Variants in XKR6 observed in about 807,000 individuals in gnomAD.
XKR6 encodes XK related 6, also known as XK-related protein 6.
XKR6 carries 22 observed loss-of-function variants against 56.7 expected under a neutral mutation model. The observed-to-expected ratio is 0.39, with a 90% CI of 0.28 to 0.55. The LOEUF (loss-of-function observed/expected upper bound fraction) is 0.55. Ranked by LOEUF, XKR6 falls within the 20% of genes least tolerant of loss-of-function variation. The pLI, the probability that XKR6 is intolerant of heterozygous loss-of-function variation, is 0.66. For missense variants in XKR6, 852 were observed against 889.0 expected (o/e 0.96, Z 0.53); for synonymous variants, 524 against 387.8 (o/e 1.35, Z -4.13).
intron 1 of XKR6, among the ~76,000 whole-genome samples, chr8:11,181,393 T>G (rs897911884): frequency 6.6e-6 from 1 of 152,216 alleles, no homozygotes; most frequent in Admixed American, 6.5e-5. Flanking sequence ...CTAATTTTAT[T>G]CTTGAATATG....
chr8:10,956,794 C>G lies in XKR6; in HGVS notation c.765-31964G>C, dbSNP rs555201760. 2.6e-4 allele frequency among the ~76,000 whole-genome samples: 39 copies of G among 152,316 alleles called. 2 individuals carry two copies. Among genetic ancestry groups the G allele is most frequent in the African/African-American group, 8.2e-4 (34 of 41,568 alleles). The stretch of plus-strand genomic sequence containing the variant: ...CCAGTGAGGACAGAAGGGGATTGAA[C>G]TAGAAACTGGGATTAATCTGTCTTC... On this transcript the variant is annotated intron_variant, in intron 1 of 2. Transcript: ENST00000416569.
At chr8:10,949,057 T>G (rs1801636249) in intron 1 of XKR6, among the ~76,000 whole-genome samples, 2 of 152,310 alleles carry the variant, frequency 1.3e-5, no homozygotes, top group Non-Finnish European at 2.9e-5. Flanking sequence ...ACACTCACGC[T>G]GTCCTCTCCT....
rs377178272 is a variant in XKR6, at chr8:11,154,102, T to C, written c.764+46474A>G. Among the ~76,000 whole-genome samples, 6 of 152,310 alleles carry C rather than the reference T, an allele frequency of 3.9e-5. No individual in the cohort carries two copies. The East Asian group carries it at 9.6e-4, about 24-fold the overall frequency. ...GGCTAGTGGGAGGTAATCTGTGTCA[T>C]AACTAATAGAAGTGTCCTTGTTTAG... On this transcript the variant is annotated intron_variant, in intron 1 of 2. Coordinates refer to ENST00000416569, the MANE Select transcript of XKR6 (RefSeq NM_173683.4).
At chr8:11,046,216 T>C (rs919183523) in intron 1 of XKR6, among the ~76,000 whole-genome samples, 1 of 152,084 alleles carries the variant, frequency 6.6e-6, no homozygotes. Context: ...CTGATCAATA[T>C]GGTGAAACCC....
chr8:11,093,996 G>A lies in XKR6; in HGVS notation c.764+106580C>T, dbSNP rs7824889. 9.8e-3 allele frequency among the ~76,000 whole-genome samples: 1,485 copies of A among 151,616 alleles called. 15 individuals carry two copies. Among genetic ancestry groups the A allele is most frequent in the African/African-American group, 0.027 (1,112 of 41,308 alleles). On this transcript the variant is annotated intron_variant, in intron 1 of 2. Coordinates refer to ENST00000416569, the MANE Select transcript of XKR6 (RefSeq NM_173683.4). ...GATGGGGGTTTCACCGTGTTAGCCCGGATGGTCTCGATCTCCTGACCTCAT... is the reference window on the plus strand; with the variant it reads ...GATGGGGGTTTCACCGTGTTAGCCCAGATGGTCTCGATCTCCTGACCTCAT...
At chr8:11,122,180 T>C (rs1799491452) in intron 1 of XKR6, among the ~76,000 whole-genome samples, 1 of 152,232 alleles carries the variant, frequency 6.6e-6, no homozygotes. Context: ...CCCAGCTCCT[T>C]TGAAAATACG....
At chr8:11,180,860 T>A (rs188873772) in intron 1 of XKR6, among the ~76,000 whole-genome samples, 1 of 152,280 alleles carries the variant, frequency 6.6e-6, no homozygotes, top group East Asian at 1.9e-4. Flanking sequence ...TGCATTATGA[T>A]CATGTTATTG....
intron 1 of XKR6, among the ~76,000 whole-genome samples, chr8:11,082,437 C>T (rs554289999): frequency 2.0e-5 from 3 of 152,384 alleles, no homozygotes; most frequent in African/African-American, 7.2e-5. Context: ...AGGTTGGCAG[C>T]TTCACCGGGC....
At chr8:10,929,353 T>G (rs1331086758) in intron 1 of XKR6, among the ~76,000 whole-genome samples, 1 of 152,248 alleles carries the variant, frequency 6.6e-6, no homozygotes, top group African/African-American at 2.4e-5. Flanking sequence ...CTACCAATAT[T>G]CATTTTACAG....
intron 1 of XKR6, among the ~76,000 whole-genome samples, chr8:11,018,367 T>C (rs765419125): frequency 3.9e-4 from 60 of 152,206 alleles, no homozygotes; most frequent in Non-Finnish European, 8.4e-4. Flanking sequence ...CAGAGATATT[T>C]GACAGGCAGC....
chr8:10,984,302 A>C (rs1363393558), intron 1 of XKR6, among the ~76,000 whole-genome samples: 1 of 152,214 alleles, frequency 6.6e-6, no homozygotes, highest in Non-Finnish European at 1.5e-5. Context: ...AAACATAATA[A>C]AATTCTTACA....
intron 1 of XKR6, among the ~76,000 whole-genome samples, chr8:11,038,489 T>C (rs1372335330): frequency 7.6e-6 from 1 of 131,142 alleles, no homozygotes; most frequent in Non-Finnish European, 1.8e-5. Flanking sequence ...TAAGTAATTG[T>C]AGTCATTTTG....
chr8:11,069,002 C>A (rs1800050286), intron 1 of XKR6, among the ~76,000 whole-genome samples: 2 of 152,190 alleles, frequency 1.3e-5, no homozygotes, highest in Admixed American at 1.3e-4. Flanking sequence ...CCAGCCCAAC[C>A]TCGGGGTCCT....
intron 1 of XKR6, among the ~76,000 whole-genome samples, chr8:11,179,890 TG>T (rs1383083613): frequency 6.6e-6 from 1 of 152,164 alleles, no homozygotes; most frequent in African/African-American, 2.4e-5. Flanking sequence ...CTCAGCACTT[TG>T]GGAGGCCGAT....
At chr8:10,995,744 A>G (rs1043546843) in intron 1 of XKR6, among the ~76,000 whole-genome samples, 26 of 152,130 alleles carry the variant, frequency 1.7e-4, no homozygotes, top group Non-Finnish European at 2.6e-4. Context: ...TGAACTAGAA[A>G]TCAGGAAAGC....
At chr8:11,049,112 G>C (rs1458146420) in intron 1 of XKR6, among the ~76,000 whole-genome samples, 2 of 152,198 alleles carry the variant, frequency 1.3e-5, no homozygotes, top group African/African-American at 4.8e-5. Context: ...GGGAGGAAAG[G>C]GCTCTGGGTT....
intron 1 of XKR6, among the ~76,000 whole-genome samples, chr8:10,991,612 G>A (rs1240349304): frequency 1.3e-5 from 2 of 152,162 alleles, no homozygotes. Flanking sequence ...GAATCTTCCA[G>A]GCGAAGTGTA....
chr8:10,979,416 T>C (rs961201156), intron 1 of XKR6, among the ~76,000 whole-genome samples: 6 of 152,020 alleles, frequency 3.9e-5, no homozygotes, highest in Non-Finnish European at 7.4e-5. Context: ...TCCTGGTTCC[T>C]GGGGGACCTG....
intron 1 of XKR6, chr8:11,137,342 C>A: frequency 3.2e-6 from 1 of 311,136 alleles, no homozygotes; most frequent in Non-Finnish European, 6.3e-6. Context: ...AAAAAGAAAA[C>A]AATTATAAAA....
Sources: allele counts gnomAD v4.1 joint callset (sites outside exome capture counted in the v4.1 genomes callset), GRCh38; gene constraint gnomAD v4.1.1; transcripts MANE v1.5; gene names NCBI Gene and HGNC (gene_info 2026-07-23, HGNC 2026-07-21).